SOX5: variants seen among roughly 807,000 people sequenced by gnomAD.
SOX5 encodes transcription factor SOX-5.
SOX5 carries 9 observed loss-of-function variants against 92.0 expected under a neutral mutation model. That is an observed-to-expected ratio of 0.10 (90% confidence interval 0.06 to 0.17). SOX5 has a LOEUF of 0.17. Among genes scored for constraint, SOX5 ranks in the 10% least tolerant of loss-of-function variants. The pLI is 1.00. For synonymous variants in SOX5, 344 were observed against 336.3 expected, an observed-to-expected ratio of 1.02 and a Z score of -0.25; for missense variants, 642 against 944.5, an observed-to-expected ratio of 0.68 and a Z score of 4.20.
Position 23,578,144 on chromosome 12 carries a change from A to AAAAAAAAAAAAAAAAAAG in SOX5, c.1165-2307_1165-2306insCTTTTTTTTTTTTTTTTT, listed in dbSNP as rs1432589481. Reference sequence around the variant, plus strand: ...AAAAAAAAAAAAAAAAAAAAAAAAAAAAAAAACTATAGGGGCAATATTATC... The same window carrying AAAAAAAAAAAAAAAAAAG: ...AAAAAAAAAAAAAAAAAAAAAAAAAAAAAAAAAAAAAAAAAAAGAAAAAACTATAGGGGCAATATTATC... On this transcript the variant is annotated intron_variant, in intron 9 of 14. Transcript: ENST00000451604. Among the ~76,000 whole-genome samples, 11 of 134,908 alleles carry AAAAAAAAAAAAAAAAAAG rather than the reference A, an allele frequency of 8.2e-5. 2 individuals carry two copies. The highest frequency in any genetic ancestry group is 1.1e-4 in the Non-Finnish European group (7 of 61,726). 88.5% of individuals were successfully genotyped at this position (134,908 alleles called of 152,430 possible).
At chr12:23,783,828 T>C (rs921443235) in intron 3 of SOX5, among the ~76,000 whole-genome samples, 1 of 152,194 alleles carries the variant, frequency 6.6e-6, no homozygotes, top group African/African-American at 2.4e-5. Context: ...TTCCTCCACA[T>C]GCAACAAATA....
intron 3 of SOX5, among the ~76,000 whole-genome samples, chr12:23,782,882 G>A (rs1324587447): frequency 1.3e-5 from 2 of 152,094 alleles, no homozygotes. Context: ...TTGTGTGTGT[G>A]TGTGCGGTGG....
At chr12:24,216,293 C>A (rs1003741543) in intron 3 of SOX5, among the ~76,000 whole-genome samples, 1 of 151,466 alleles carries the variant, frequency 6.6e-6, no homozygotes, top group Non-Finnish European at 1.5e-5. Context: ...ACCATCCTGG[C>A]TAACACGGTG....
intron 1 of SOX5, among the ~76,000 whole-genome samples, chr12:24,521,841 G>T (rs1209379460): frequency 1.3e-5 from 2 of 151,930 alleles, no homozygotes; most frequent in African/African-American, 4.8e-5. Context: ...GGCAACAAGT[G>T]CCTAAATTAA....
At chr12:24,001,092 T>G (rs1203282442) in intron 4 of SOX5, among the ~76,000 whole-genome samples, 2 of 152,142 alleles carry the variant, frequency 1.3e-5, no homozygotes, top group Non-Finnish European at 2.9e-5. Context: ...TGATTTAAAC[T>G]AGATTTTAAA....
intron 2 of SOX5, among the ~76,000 whole-genome samples, chr12:23,894,071 A>C (rs957204826): frequency 3.3e-5 from 5 of 152,092 alleles, no homozygotes; most frequent in Admixed American, 2.0e-4. Flanking sequence ...AAGTTATTTA[A>C]CCTCTCTTTG....
At chr12:23,761,484 T>C (rs1274513709) in intron 3 of SOX5, among the ~76,000 whole-genome samples, 1 of 152,140 alleles carries the variant, frequency 6.6e-6, no homozygotes, top group Non-Finnish European at 1.5e-5. Context: ...GAGATGACCG[T>C]GTGTATGGCT....
intron 2 of SOX5, among the ~76,000 whole-genome samples, chr12:23,873,366 G>A (rs2096894757): frequency 1.3e-5 from 2 of 152,052 alleles, no homozygotes; most frequent in South Asian, 4.1e-4. Context: ...CCAGCTACTG[G>A]GGAGGCAGAG....
chr12:24,238,949 C>T (rs1965050736), intron 3 of SOX5, among the ~76,000 whole-genome samples: 1 of 152,184 alleles, frequency 6.6e-6, no homozygotes, highest in Admixed American at 6.5e-5. Flanking sequence ...CCCAATTGTT[C>T]ATTACCGGGT....
At chr12:23,687,850 G>C (rs2087899998) in intron 6 of SOX5, among the ~76,000 whole-genome samples, 1 of 150,162 alleles carries the variant, frequency 6.7e-6, no homozygotes, top group Admixed American at 6.7e-5. Context: ...CTCTGAATCA[G>C]TGTGTTATTG....
chr12:23,743,761 T>C (rs916320875), intron 4 of SOX5, among the ~76,000 whole-genome samples: 3 of 152,182 alleles, frequency 2.0e-5, no homozygotes, highest in African/African-American at 7.2e-5. Context: ...GCCCTCTGCA[T>C]AGGTGGGTTT....
intron 5 of SOX5, among the ~76,000 whole-genome samples, chr12:23,737,552 A>G (rs140632678): frequency 1.1e-3 from 168 of 152,124 alleles, no homozygotes; most frequent in Non-Finnish European, 2.1e-3. Context: ...ACATATACAT[A>G]TATATATGTA....
chr12:24,420,030 C>T (rs1965678620), intron 1 of SOX5, among the ~76,000 whole-genome samples: 1 of 152,168 alleles, frequency 6.6e-6, no homozygotes, highest in African/African-American at 2.4e-5. Context: ...TGGTTGATAG[C>T]TAAGAGATGA....
chr12:24,274,998 G>A (rs571226461), intron 3 of SOX5, among the ~76,000 whole-genome samples: 216 of 152,220 alleles, frequency 1.4e-3, no homozygotes, highest in Non-Finnish European at 2.4e-3. Flanking sequence ...TGTCTAAGTG[G>A]TTGTATGGAT....
rs950243448 is a variant in SOX5 at position 23,607,837 on chromosome 12, T to A, written c.1018-3304A>T. On this transcript the variant is annotated intron_variant, in intron 8 of 14. Transcript: ENST00000451604. Reference sequence around the variant, plus strand: ...TTAAAGTGAAAATCTGGTTAACATCTTTCTTTAAATAATAACAGATAAAAC... The same window carrying A: ...TTAAAGTGAAAATCTGGTTAACATCATTCTTTAAATAATAACAGATAAAAC... Among the ~76,000 whole-genome samples the A allele has an allele frequency of 2.0e-5, 3 of 152,154 alleles. No homozygotes were observed. The East Asian group carries it at 5.8e-4, about 29-fold the overall frequency.
chr12:24,212,814 T>C (rs1235229592), intron 4 of SOX5, among the ~76,000 whole-genome samples: 4 of 152,314 alleles, frequency 2.6e-5, no homozygotes, highest in African/African-American at 9.6e-5. Context: ...ATTTCATACA[T>C]GGTAGTCAAT....
At chr12:23,580,356 A>G (rs892111134) in intron 9 of SOX5, among the ~76,000 whole-genome samples, 2 of 152,062 alleles carry the variant, frequency 1.3e-5, no homozygotes, top group African/African-American at 2.4e-5. Context: ...CAATAACCAC[A>G]TGAAAGATAA....
intron 10 of SOX5, among the ~76,000 whole-genome samples, chr12:23,567,428 T>A (rs1947321183): frequency 6.6e-6 from 1 of 151,956 alleles, no homozygotes; most frequent in Non-Finnish European, 1.5e-5. Context: ...TTTGTGAGAT[T>A]CTGTAACTTT....
intron 7 of SOX5, among the ~76,000 whole-genome samples, chr12:23,641,137 A>G (rs1240546102): frequency 2.0e-5 from 3 of 152,190 alleles, no homozygotes; most frequent in Admixed American, 6.5e-5. Context: ...TGATGTATTT[A>G]GGAAAATGGG....
Sources: gnomAD v4.1 joint callset for allele counts (sites outside exome capture counted in the v4.1 genomes callset) on GRCh38, gnomAD v4.1.1 for gene constraint, MANE v1.5 for transcripts, NCBI Gene and HGNC (gene_info 2026-07-23, HGNC 2026-07-21) for gene names.